EVPL: variants seen among roughly 807,000 people sequenced by gnomAD.
The protein encoded by EVPL is envoplakin, also known as 210 kDa cornified envelope precursor protein.
A neutral mutation model predicts 129.7 loss-of-function variants in EVPL; 94 were observed. The ratio of observed to expected loss-of-function variants is 0.72; its 90% CI spans 0.61 to 0.86. EVPL has a LOEUF of 0.86. Among genes scored for constraint, EVPL ranks in the 40% least tolerant of loss-of-function variants. The pLI is 0.00. For synonymous variants in EVPL, 1,172 were observed against 1,191.1 expected (o/e 0.98, Z 0.33); for missense variants, 2,625 against 2,721.1 (o/e 0.96, Z 0.79).
intron 17 of EVPL, among the ~76,000 whole-genome samples, 161 bp from the exon 18 acceptor site, chr17:76,014,737 TG>T (rs1173947771): frequency 5.3e-5 from 8 of 152,154 alleles, no homozygotes; most frequent in African/African-American, 1.9e-4. Flanking sequence ...AATTCAGAGA[TG>T]GGACAGTCTC....
rs369019276 is a variant in EVPL at position 76,021,983 on chromosome 17, G to A, written c.691C>T (p.His231Tyr). Residue 231 changes from histidine (H) to tyrosine (Y), a missense_variant, in exon 7 of 22, where the codon CAC becomes TAC. Coordinates refer to ENST00000301607, the MANE Select transcript of EVPL (RefSeq NM_001988.4). ...RGQSLGSLYT[H>Y]LQGCTRQLSA... Reference sequence around the variant, plus strand: ...AGCTGCCGCGTGCAGCCCTGGAGGTGCGTGTACAGGCTGCCCAGGCTCTGC... The same window carrying A: ...AGCTGCCGCGTGCAGCCCTGGAGGTACGTGTACAGGCTGCCCAGGCTCTGC... The A allele has an allele frequency of 2.8e-4, 435 of 1,565,090 alleles. No individual in the cohort carries two copies. Among genetic ancestry groups the A allele is most frequent in the Non-Finnish European group, 3.4e-4 (395 of 1,163,176 alleles).
At chr17:76,026,307 T>C (rs2144446982) in intron 1 of EVPL, among the ~76,000 whole-genome samples, 1 of 150,234 alleles carries the variant, frequency 6.7e-6, no homozygotes, top group South Asian at 2.1e-4. Context: ...CGCAGGGGTG[T>C]GATCATGGCT....
In EVPL at chr17:76,011,092, A is replaced by G. The variant is rs115489223; in HGVS notation, c.2661+484T>C. On this transcript the variant is annotated intron_variant, in intron 21 of 21. Coordinates refer to ENST00000301607, the MANE Select transcript of EVPL (RefSeq NM_001988.4). ...AAACAAAAAACAAAAAAAAAGTGCA[A>G]ACAGGACAGGTTCTCCCTGTCCCTC... is the stretch of plus-strand genomic sequence containing the variant. Among the ~76,000 whole-genome samples, 715 of 152,294 alleles carry G rather than the reference A, an allele frequency of 4.7e-3. 3 individuals are homozygous for G. Among genetic ancestry groups the G allele is most frequent in the African/African-American group, 0.016 (672 of 41,554 alleles).
chr17:76,007,642 C>T lies in EVPL; in HGVS notation c.5563G>A (p.Gly1855Arg). ...VAKNMLDPIT[G>R]QKLLEAQAAT... ...GCCTGGGCCTCCAGTAGCTTCTGCC[C>T]AGTGATGGGGTCCAGCATGTTCTTG... The change falls in exon 22 of 22, where the codon GGG (glycine) becomes AGG (arginine). Residue 1855 changes from glycine (G) to arginine (R), a missense_variant. Around this residue, in one of 4 missense-constraint regions of EVPL, gnomAD observed 1,453 missense variants for 1,511.8 expected, o/e 0.96. Transcript: ENST00000301607. This position sits in a 1 kb window ranked among gnomAD's most constrained non-coding sequence, Gnocchi z 8.8. 3.1e-6 allele frequency: 5 copies of T among 1,613,876 alleles called. No homozygotes were observed. Among genetic ancestry groups the T allele is most frequent in the Non-Finnish European group, 4.2e-6 (5 of 1,180,042 alleles).
chr17:76,008,847 G>C lies in EVPL; in HGVS notation c.4358C>G (p.Pro1453Arg). 1 of 1,613,774 alleles carries C rather than the reference G, an allele frequency of 6.2e-7. No homozygotes were observed. Among genetic ancestry groups the C allele is most frequent in the Non-Finnish European group, 8.5e-7 (1 of 1,179,928 alleles). ...GATGATCTTCTCCTGCACCGTGGGAGGCCGCTTCTCGAGCTCCTGGATCCT... is the reference window on the plus strand; with the variant it reads ...GATGATCTTCTCCTGCACCGTGGGACGCCGCTTCTCGAGCTCCTGGATCCT... ...TLRIQELEKR[P>R]PTVQEKIIME... Residue 1453 changes from proline to arginine, a missense_variant, in exon 22 of 22, where the codon CCT becomes CGT. Physicochemically the swap from Pro to Arg is moderately radical, Grantham distance 103 (BLOSUM62 -2). Transcript: ENST00000301607. This position sits in a 1 kb window ranked among gnomAD's most constrained non-coding sequence, Gnocchi z 7.4.
chr17:76,008,665 A>G lies in EVPL; in HGVS notation c.4540T>C (p.Ser1514Pro). The G allele has an allele frequency of 6.2e-7, 1 of 1,612,426 alleles. No individual in the cohort carries two copies. The highest frequency in any genetic ancestry group is 1.1e-5 in the South Asian group (1 of 91,068). ...TCCTTGTAGATGGTCTTCTCCTGCG[A>G]TTTGGCTTTCTGGAGGACGTCAATC... is the stretch of plus-strand genomic sequence containing the variant. The part of the protein sequence containing the change: ...VQIDVLQKAK[S>P]QEKTIYKEVI... Residue 1514 changes from serine to proline, a missense_variant, in exon 22 of 22, where the codon TCG becomes CCG. This residue lies in a region of EVPL where 1,453 missense variants were observed against 1,511.8 expected (regional missense o/e 0.96). Coordinates refer to ENST00000301607, the MANE Select transcript of EVPL (RefSeq NM_001988.4). The surrounding 1 kb of genome is among the most constrained non-coding windows in gnomAD (Gnocchi z 7.4).
At chr17:76,018,121 C>G in intron 13 of EVPL, 40 bp downstream of exon 13, 2 of 1,550,076 alleles carry the variant, frequency 1.3e-6, no homozygotes, top group Non-Finnish European at 1.7e-6. Flanking sequence ...TCTACTCCTT[C>G]TAGCCCCACA....
In EVPL at chr17:76,008,144, G is replaced by A; in HGVS notation, c.5061C>T (p.Ser1687=). ...TRETNLSTKI[S]ILEPETGKDM... is the part of the protein sequence containing the mutation. ...CCTTCCCCGTCTCGGGTTCCAGGAT[G>A]GAGATCTTGGTGGAAAGGTTGGTCT... The change falls in exon 22 of 22, where the codon TCC becomes TCT. Residue 1687 remains serine (S), a synonymous_variant. Coordinates refer to ENST00000301607, the MANE Select transcript of EVPL (RefSeq NM_001988.4). The surrounding 1 kb of genome is among the most constrained non-coding windows in gnomAD (Gnocchi z 7.4). The A allele has an allele frequency of 6.2e-7, 1 of 1,614,186 alleles. No homozygotes were observed. The highest frequency in any genetic ancestry group is 8.5e-7 in the Non-Finnish European group (1 of 1,180,018).
chr17:76,011,835 G>A lies in EVPL; in HGVS notation c.2505C>T (p.Thr835=). Residue 835 remains threonine, a synonymous_variant, in exon 20 of 22, where the codon ACC becomes ACT. Coordinates refer to ENST00000301607, the MANE Select transcript of EVPL (RefSeq NM_001988.4). ...ADTYRCSLEP[T]LAVSAPKRPR... is the part of the protein sequence containing the mutation. ...GTCTCTTGGGGGCTGACACTGCCAG[G>A]GTGGGCTCCAAAGAGCAGCGGTAGG... The A allele has an allele frequency of 1.9e-6, 3 of 1,613,280 alleles. No individual in the cohort carries two copies. Among genetic ancestry groups the A allele is most frequent in the Non-Finnish European group, 1.7e-6 (2 of 1,179,764 alleles).
chr17:76,026,618 G>A (rs1290481296), intron 1 of EVPL, among the ~76,000 whole-genome samples: 1 of 152,176 alleles, frequency 6.6e-6, no homozygotes, highest in Non-Finnish European at 1.5e-5. Context: ...CTACCCCAGG[G>A]ATCCCACCCC....
chr17:76,009,083 C>T lies in EVPL; in HGVS notation c.4122G>A (p.Glu1374=), dbSNP rs572046098. The T allele has an allele frequency of 1.9e-6, 3 of 1,613,500 alleles. No individual in the cohort carries two copies. The highest frequency in any genetic ancestry group is 2.7e-5 in the African/African-American group (2 of 75,052). The part of the protein sequence containing the change: ...RKPEEKVVVQ[E]VVVTQKDPKL... ...TCGGGTCCTTCTGGGTGACCACCACCTCCTGCACCACCACCTTCTCCTCGG... is the reference window on the plus strand; with the variant it reads ...TCGGGTCCTTCTGGGTGACCACCACTTCCTGCACCACCACCTTCTCCTCGG... The change falls in exon 22 of 22, where the codon GAG becomes GAA. Residue 1374 remains glutamate, a synonymous_variant. Coordinates refer to ENST00000301607, the MANE Select transcript of EVPL (RefSeq NM_001988.4). This position sits in a 1 kb window ranked among gnomAD's most constrained non-coding sequence, Gnocchi z 5.9.
In EVPL at chr17:76,015,340, G is replaced by A. The variant is rs771009589; in HGVS notation, c.1915C>T (p.Arg639Trp). 2 of 1,603,638 alleles carry A rather than the reference G, an allele frequency of 1.2e-6. No individual in the cohort carries two copies. Among genetic ancestry groups the A allele is most frequent in the Non-Finnish European group, 1.7e-6 (2 of 1,178,792 alleles). The change falls in exon 16 of 22, where the codon CGG (arginine) becomes TGG (tryptophan). Residue 639 changes from arginine (R) to tryptophan (W), a missense_variant. This residue lies in a region of EVPL where 1,024 missense variants were observed against 997.5 expected (regional missense o/e 1.03). Transcript: ENST00000301607. The part of the protein sequence containing the change: ...EKAKAALDLE[R>W]QIQDADRVIR... The stretch of plus-strand genomic sequence containing the variant: ...ACCCTGTCCGCATCCTGGATCTGCC[G>A]CTCCAGATCCAGGGCAGCCTTGGCT...
chr17:76,007,256 T>C lies in EVPL; in HGVS notation c.5949A>G (p.Thr1983=). 6.4e-7 allele frequency: 1 copy of C among 1,566,126 alleles called. No individual in the cohort carries two copies. The highest frequency in any genetic ancestry group is 8.7e-7 in the Non-Finnish European group (1 of 1,153,994). ...TCAGCCGTTCCTTGGAGATGGGGTCTGTCAAATCCTTCTCGTAGCTGGACT... is the reference window on the plus strand; with the variant it reads ...TCAGCCGTTCCTTGGAGATGGGGTCCGTCAAATCCTTCTCGTAGCTGGACT... ...QDESSYEKDL[T]DPISKERLSY... is the part of the protein sequence containing the mutation. The change falls in exon 22 of 22, where the codon ACA becomes ACG. Residue 1983 remains threonine (T), a synonymous_variant. Transcript: ENST00000301607. The surrounding 1 kb of genome is among the most constrained non-coding windows in gnomAD (Gnocchi z 8.8).
At position 76,009,791 on chromosome 17, in the gene EVPL, CTCCTTCACG is replaced by C. The variant is rs769430799; in HGVS notation, c.3405_3413del (p.Ile1135_Glu1138delinsMet). 7.4e-6 allele frequency: 12 copies of C among 1,613,968 alleles called. No individual in the cohort carries two copies. The highest frequency in any genetic ancestry group is 5.1e-6 in the Non-Finnish European group (6 of 1,180,014). On this transcript the variant is annotated inframe_deletion, in exon 22 of 22. Transcript: ENST00000301607. The surrounding 1 kb of genome is among the most constrained non-coding windows in gnomAD (Gnocchi z 5.9). ...CTGGGTCCTGCTCCACCTTCTTCAC[CTCCTTCACG>C]ATGACCTTGGGCTCCACCGAGCTGA...
chr17:76,025,487 T>C (rs932558442), intron 1 of EVPL, among the ~76,000 whole-genome samples: 1 of 152,184 alleles, frequency 6.6e-6, no homozygotes, highest in African/African-American at 2.4e-5. Context: ...GGAGCCTGCC[T>C]GGACAGTGGG....
chr17:76,018,002 G>C (rs1365892967), intron 13 of EVPL, 91 bp from the exon 14 acceptor site: 10 of 1,573,262 alleles, frequency 6.4e-6, no homozygotes, highest in Non-Finnish European at 8.6e-6. Flanking sequence ...GGTCCTGTCG[G>C]GGTAGGGTGG....
At chr17:76,025,471 T>A (rs1403836100) in intron 1 of EVPL, among the ~76,000 whole-genome samples, 4 of 152,160 alleles carry the variant, frequency 2.6e-5, no homozygotes, top group Non-Finnish European at 4.4e-5. Context: ...AGGAGCGCAC[T>A]GCTGGGGAGC....
At position 76,022,075 on chromosome 17, in the gene EVPL, T is replaced by TG. The variant is rs746048671; in HGVS notation, c.646-48dup. ...AGCAGCAGGGTGGGGAGACAGAAAG[T>TG]GGGGGGCAAAAGGCGCCATTGGGCC... is the stretch of plus-strand genomic sequence containing the variant. On this transcript the variant is annotated intron_variant, in intron 6 of 21. Transcript: ENST00000301607. The surrounding 1 kb of genome is among the most constrained non-coding windows in gnomAD (Gnocchi z 5.6). The TG allele has an allele frequency of 2.7e-5, 42 of 1,562,156 alleles. No individual in the cohort carries two copies. Among genetic ancestry groups the TG allele is most frequent in the Non-Finnish European group, 2.2e-5 (26 of 1,158,342 alleles).
At position 76,009,986 on chromosome 17, in the gene EVPL, C is replaced by A; in HGVS notation, c.3219G>T (p.Lys1073Asn). Residue 1073 changes from lysine (K) to asparagine (N), a missense_variant, in exon 22 of 22, where the codon AAG becomes AAT. Transcript: ENST00000301607. This position sits in a 1 kb window ranked among gnomAD's most constrained non-coding sequence, Gnocchi z 5.9. ...LEKREVDVKEKVVVKEVVKVE... is the reference protein window; with the variant it reads ...LEKREVDVKENVVVKEVVKVE... ...CCTTGACTACCTCTTTCACCACGAC[C>A]TTCTCCTTCACGTCCACCTCCCTCT... 1 of 1,613,884 alleles carries A rather than the reference C, an allele frequency of 6.2e-7. No individual in the cohort carries two copies. Among genetic ancestry groups the A allele is most frequent in the South Asian group, 1.1e-5 (1 of 91,088 alleles).
Sources: allele counts gnomAD v4.1 joint callset (sites outside exome capture counted in the v4.1 genomes callset), GRCh38; gene constraint gnomAD v4.1.1; regional missense constraint gnomAD v4.1.1; non-coding constraint Gnocchi (gnomAD v3.1); transcripts MANE v1.5; gene names NCBI Gene and HGNC (gene_info 2026-07-23, HGNC 2026-07-21).